PDE4A: variants seen among roughly 807,000 people sequenced by gnomAD.
The protein encoded by PDE4A is phosphodiesterase 4A.
In PDE4A, 21 loss-of-function variants were observed where a neutral mutation model predicts 73.9. The observed-to-expected ratio is 0.28, with a 90% CI of 0.20 to 0.41. The LOEUF is 0.41. PDE4A is among the 10% of genes least tolerant of loss of function. The pLI, the probability that PDE4A is intolerant of heterozygous loss-of-function variation, is 1.00. For synonymous variants in PDE4A, 463 were observed against 505.4 expected (o/e 0.92, Z 1.13); for missense variants, 958 against 1,211.4 (o/e 0.79, Z 3.10).
In PDE4A at chr19:10,448,878, C is replaced by T. The variant is rs778812550; in HGVS notation, c.513-39C>T. On this transcript the variant is annotated intron_variant, in intron 2 of 14. Coordinates refer to ENST00000380702, the MANE Select transcript of PDE4A (RefSeq NM_001111307.2). ...GGGCATCTACCCCAGACAGTTGCTT[C>T]TCTGCGGACCCCTGACCTGCCTCTG... 2.5e-6 allele frequency: 4 copies of T among 1,612,858 alleles called. No individual in the cohort carries two copies. In the South Asian group the frequency reaches 3.3e-5, roughly 13 times the overall value.
At chr19:10,418,855 A>T (rs1013372366), upstream of PDE4A, 3 of 984,168 alleles carry the variant, frequency 3.0e-6, no homozygotes, top group African/African-American at 1.8e-5. Flanking sequence ...GGGAGAACTC[A>T]CAGCCCCTGC....
At position 10,467,172 on chromosome 19, in the gene PDE4A, G is replaced by A; in HGVS notation, c.2212G>A (p.Gly738Arg). The A allele has an allele frequency of 6.2e-7, 1 of 1,614,162 alleles. No homozygotes were observed. Among genetic ancestry groups the A allele is most frequent in the Non-Finnish European group, 8.5e-7 (1 of 1,180,032 alleles). ...AGCCCAAGAGGCATTGACTGCGCAG[G>A]GATTGTCAGGAGTCGAGGAAGCTCT... is the stretch of plus-strand genomic sequence containing the variant. The part of the protein sequence containing the change: ...CTAQEALTAQ[G>R]LSGVEEALDA... The change falls in exon 15 of 15, where the codon GGA becomes AGA. Residue 738 changes from glycine to arginine, a missense_variant. Gly to Arg is a moderately radical substitution (Grantham distance 125, BLOSUM62 -2). Transcript: ENST00000380702.
In PDE4A at chr19:10,453,374, T is replaced by A. The variant is rs1368609319; in HGVS notation, c.784-1455T>A. On this transcript the variant is annotated intron_variant, in intron 6 of 14. Transcript: ENST00000380702. This position sits in a 1 kb window ranked among gnomAD's most constrained non-coding sequence, Gnocchi z 4.6. ...GGGGTGGGCGGGCATCCTGGTGAGC[T>A]GGGCCCCCGGTGTGGGCTTGTGTGT... The A allele has an allele frequency of 6.3e-7, 1 of 1,590,042 alleles. No homozygotes were observed. The highest frequency in any genetic ancestry group is 2.3e-5 in the East Asian group (1 of 44,066).
At chr19:10,435,034 T>C (rs990291256) in intron 1 of PDE4A, among the ~76,000 whole-genome samples, 1 of 151,992 alleles carries the variant, frequency 6.6e-6, no homozygotes, top group Admixed American at 6.6e-5. Context: ...TGGCCATAGT[T>C]CTTGTTATTA....
chr19:10,466,986 C>A lies in PDE4A; in HGVS notation c.2026C>A (p.Arg676=). 1 of 1,614,130 alleles carries A rather than the reference C, an allele frequency of 6.2e-7. No individual in the cohort carries two copies. Among genetic ancestry groups the A allele is most frequent in the South Asian group, 1.1e-5 (1 of 91,086 alleles). ...QEILDTLEDN[R]DWYYSAIRQS... is the part of the protein sequence containing the mutation. ...GATCTTGGACACTTTGGAGGACAACCGGGACTGGTACTACAGCGCCATCCG... is the reference window on the plus strand; with the variant it reads ...GATCTTGGACACTTTGGAGGACAACAGGGACTGGTACTACAGCGCCATCCG... Residue 676 remains arginine, a synonymous_variant, in exon 15 of 15, where the codon CGG becomes AGG. Transcript: ENST00000380702.
At chr19:10,417,128 A>T, upstream of PDE4A, 2 of 1,439,366 alleles carry the variant, frequency 1.4e-6, no homozygotes, top group Non-Finnish European at 1.8e-6. Flanking sequence ...CTCGTGCCTC[A>T]GTTTACCCCC....
At chr19:10,455,391 G>A (rs899850140) in intron 7 of PDE4A, among the ~76,000 whole-genome samples, 1 of 151,906 alleles carries the variant, frequency 6.6e-6, no homozygotes. Flanking sequence ...TTGAACCCAG[G>A]GGGTGGAGGT....
intron 11 of PDE4A, 175 bp from the exon 12 acceptor site, chr19:10,461,350 TG>T (rs1310866635): frequency 1.4e-6 from 1 of 696,418 alleles, no homozygotes; most frequent in Non-Finnish European, 1.6e-6. Context: ...GAGGCGGGGC[TG>T]GGGGCGGGGC....
At chr19:10,461,258 G>C (rs1158486247) in intron 11 of PDE4A, among the ~76,000 whole-genome samples, 155 bp downstream of exon 11, 1 of 140,786 alleles carries the variant, frequency 7.1e-6, no homozygotes, top group East Asian at 2.1e-4. Flanking sequence ...GGCGGGGCTG[G>C]GGGCGGGGCT....
At chr19:10,456,126 C>T (rs1254826178) in intron 7 of PDE4A, among the ~76,000 whole-genome samples, 1 of 151,944 alleles carries the variant, frequency 6.6e-6, no homozygotes, top group Non-Finnish European at 1.5e-5. Context: ...AGAGGCAGCT[C>T]TTGCCTATAA....
At position 10,465,683 on chromosome 19, in the gene PDE4A, C is replaced by CTTTTTTTTTT. The variant is rs749126870; in HGVS notation, c.1927-1179_1927-1170dup. ...TCATAGCAATAGTTTGTGGCTTTAGCTTTTTTTTTTTTTTTTTTTTTTTTT... is the reference window on the plus strand; with the variant it reads ...TCATAGCAATAGTTTGTGGCTTTAGCTTTTTTTTTTTTTTTTTTTTTTTTTTTTTTTTTTT... On this transcript the variant is annotated intron_variant, in intron 14 of 14. Coordinates refer to ENST00000380702, the MANE Select transcript of PDE4A (RefSeq NM_001111307.2). Among the ~76,000 whole-genome samples the CTTTTTTTTTT allele has an allele frequency of 1.1e-3, 51 of 48,384 alleles. 9 individuals carry two copies. The highest frequency in any genetic ancestry group is 1.3e-3 in the Non-Finnish European group (36 of 27,276). 31.7% of individuals were successfully genotyped at this position (48,384 alleles called of 152,430 possible). A position where few individuals can be genotyped will look rare whatever the true frequency, so the allele number is the denominator to read the frequency against.
chr19:10,421,442 C>A, intron 1 of PDE4A: 2 of 628,954 alleles, frequency 3.2e-6, no homozygotes, highest in Non-Finnish European at 4.0e-6. Flanking sequence ...GGGCACTATA[C>A]TGAGGGCTAG....
upstream of PDE4A, chr19:10,419,962 G>GCA: frequency 6.5e-6 from 1 of 152,784 alleles, no homozygotes; most frequent in Non-Finnish European, 1.5e-5. Flanking sequence ...AACCACGTGC[G>GCA]CACACACACT....
chr19:10,432,466 C>A, intron 1 of PDE4A: 1 of 1,494,644 alleles, frequency 6.7e-7, no homozygotes, highest in Admixed American at 2.4e-5. Context: ...CGGGCCCGGC[C>A]CCGGCCCCCT....
Position 10,453,231 on chromosome 19 carries a change from G to A in PDE4A, c.784-1598G>A. 6.3e-7 allele frequency: 1 copy of A among 1,599,172 alleles called. No homozygotes were observed. On this transcript the variant is annotated intron_variant, in intron 6 of 14. Transcript: ENST00000380702. This position sits in a 1 kb window ranked among gnomAD's most constrained non-coding sequence, Gnocchi z 4.6. ...GGGACTCCCCAAGCCCAGCCTCTGT[G>A]TGCAGCAGCCCCAGGCGGGCTAAGT... is the stretch of plus-strand genomic sequence containing the variant.
intron 2 of PDE4A, 121 bp downstream of exon 2, chr19:10,446,530 TC>T: frequency 8.4e-7 from 1 of 1,184,802 alleles, no homozygotes; most frequent in Non-Finnish European, 1.2e-6. Context: ...CAACCTGTCC[TC>T]CCCAGTGAAG....
chr19:10,467,798 A>T lies in PDE4A; in HGVS notation c.*177A>T, dbSNP rs1285013335. On this transcript the variant is annotated 3_prime_UTR_variant, in exon 15 of 15. Coordinates refer to ENST00000380702, the MANE Select transcript of PDE4A (RefSeq NM_001111307.2). ...TTCCCCTTTCCCCCTGCCCCCACCC[A>T]CGGGGCCTTTTTTTGGAGGTGGGGG... 1 of 436,016 alleles carries T rather than the reference A, an allele frequency of 2.3e-6. No homozygotes were observed. Among genetic ancestry groups the T allele is most frequent in the Non-Finnish European group, 3.9e-6 (1 of 256,648 alleles). The allele number at this position is 436,016 out of a possible 1,614,324, so 27.0% of individuals were successfully genotyped here. A position where few individuals can be genotyped will look rare whatever the true frequency, so the allele number is the denominator to read the frequency against.
chr19:10,420,978 G>A lies in PDE4A; in HGVS notation c.214G>A (p.Asp72Asn). The change falls in exon 1 of 15, where the codon GAC becomes AAC. Residue 72 changes from aspartate (D) to asparagine (N), a missense_variant. By Grantham distance (23) the Asp-to-Asn change is conservative. Around this residue, in one of 3 missense-constraint regions of PDE4A, gnomAD observed 145 missense variants for 137.8 expected, o/e 1.05. Coordinates refer to ENST00000380702, the MANE Select transcript of PDE4A (RefSeq NM_001111307.2). The surrounding 1 kb of genome is among the most constrained non-coding windows in gnomAD (Gnocchi z 6.0). The part of the protein sequence containing the change: ...HRPIERADAM[D>N]TSDRPGLRTT... ...GCCCATAGAGCGCGCCGATGCCATG[G>A]ACACCAGCGACCGGCCCGGCCTGCG... 2 of 1,544,854 alleles carry A rather than the reference G, an allele frequency of 1.3e-6. No individual in the cohort carries two copies. The highest frequency in any genetic ancestry group is 8.7e-7 in the Non-Finnish European group (1 of 1,154,614).
chr19:10,449,628 A>G (rs943325069), intron 4 of PDE4A, among the ~76,000 whole-genome samples: 2 of 151,922 alleles, frequency 1.3e-5, no homozygotes, highest in African/African-American at 4.8e-5. Flanking sequence ...CCAAAGTGCT[A>G]GGATTACAGG....
Sources: allele counts gnomAD v4.1 joint callset (sites outside exome capture counted in the v4.1 genomes callset), GRCh38; gene constraint gnomAD v4.1.1; regional missense constraint gnomAD v4.1.1; non-coding constraint Gnocchi (gnomAD v3.1); transcripts MANE v1.5; gene names NCBI Gene and HGNC (gene_info 2026-07-23, HGNC 2026-07-21).